Variants in ATXN7L1 observed in about 807,000 individuals in gnomAD.
ATXN7L1 encodes ataxin-7-like protein 1.
In ATXN7L1, 15 loss-of-function variants were observed where a neutral mutation model predicts 70.8. The ratio of observed to expected loss-of-function variants is 0.21; its 90% confidence interval spans 0.14 to 0.33. ATXN7L1 has a LOEUF of 0.33. ATXN7L1 is among the 10% of genes least tolerant of loss of function. The pLI is 1.00. For missense variants in ATXN7L1, 975 were observed against 1,097.1 expected (o/e 0.89, Z 1.57); for synonymous variants, 440 against 445.1 (o/e 0.99, Z 0.14).
Position 105,643,138 on chromosome 7 carries a change from C to A in ATXN7L1, c.579-17G>T. 6.7e-7 allele frequency: 1 copy of A among 1,491,626 alleles called. No homozygotes were observed. Among genetic ancestry groups the A allele is most frequent in the Non-Finnish European group, 9.0e-7 (1 of 1,116,652 alleles). 92.4% of individuals were successfully genotyped at this position (1,491,626 alleles called of 1,614,324 possible). A position where few individuals can be genotyped will look rare whatever the true frequency, so the allele number is the denominator to read the frequency against. On this transcript the variant is annotated splice_polypyrimidine_tract_variant and intron_variant, in intron 4 of 11. Coordinates refer to ENST00000419735, the MANE Select transcript of ATXN7L1 (RefSeq NM_020725.2). ...ACTGGAACACTGAAAAATAAATGAACAAACACACACAATTGTCTTCTTTGA... is the reference window on the plus strand; with the variant it reads ...ACTGGAACACTGAAAAATAAATGAAAAAACACACACAATTGTCTTCTTTGA...
At chr7:105,692,448 T>TC (rs1563010140) in intron 3 of ATXN7L1, among the ~76,000 whole-genome samples, 7 of 87,356 alleles carry the variant, frequency 8.0e-5, no homozygotes, top group East Asian at 6.8e-4. Context: ...CTCCCTCCCT[T>TC]CCTTCCTTCT....
At chr7:105,743,462 C>T (rs544981821) in intron 3 of ATXN7L1, among the ~76,000 whole-genome samples, 16 of 152,278 alleles carry the variant, frequency 1.1e-4, no homozygotes, top group South Asian at 8.3e-4. Context: ...GGAGAATTCT[C>T]GGTTGCATAA....
Position 105,604,957 on chromosome 7 carries a change from AT to A in ATXN7L1, c.*2894del, listed in dbSNP as rs1416134359. 3 of 151,832 alleles carry A rather than the reference AT, an allele frequency of 2.0e-5. No homozygotes were observed. In the East Asian group the frequency reaches 5.8e-4, roughly 29 times the overall value. 9.4% of individuals were successfully genotyped at this position (151,832 alleles called of 1,614,324 possible). On this transcript the variant is annotated 3_prime_UTR_variant, in exon 12 of 12. Transcript: ENST00000419735. Reference sequence around the variant, plus strand: ...AATCAGCAATAATAGAATATGCTGTATAAACTATTCTCTACAAAGGTTGATC... The same window carrying A: ...AATCAGCAATAATAGAATATGCTGTAAAACTATTCTCTACAAAGGTTGATC...
chr7:105,865,361 T>TG (rs1299717469), intron 2 of ATXN7L1, among the ~76,000 whole-genome samples: 1 of 152,220 alleles, frequency 6.6e-6, no homozygotes, highest in Non-Finnish European at 1.5e-5. Context: ...TGAACCTTTT[T>TG]GTGTGTGGTA....
At chr7:105,775,211 G>T (rs553235979) in intron 3 of ATXN7L1, among the ~76,000 whole-genome samples, 7 of 152,272 alleles carry the variant, frequency 4.6e-5, no homozygotes, top group African/African-American at 1.7e-4. Flanking sequence ...CAAGGGAAAG[G>T]TCCTACCCAA....
chr7:105,610,502 G>GGCGC, intron 11 of ATXN7L1, 27 bp downstream of exon 11: 1 of 1,525,650 alleles, frequency 6.6e-7, no homozygotes, highest in Non-Finnish European at 8.9e-7. Flanking sequence ...ATGAATTTTT[G>GGCGC]CCCCACCCCC....
At chr7:105,741,297 C>G (rs1051743997) in intron 3 of ATXN7L1, among the ~76,000 whole-genome samples, 4 of 152,168 alleles carry the variant, frequency 2.6e-5, no homozygotes, top group African/African-American at 9.7e-5. Context: ...GGCCATTTCT[C>G]TCCTTCCCCC....
chr7:105,772,593 C>A (rs1051004195), intron 3 of ATXN7L1, among the ~76,000 whole-genome samples: 1 of 152,136 alleles, frequency 6.6e-6, no homozygotes, highest in African/African-American at 2.4e-5. Flanking sequence ...AAAGACCTCA[C>A]AATTAAGCTT....
intron 4 of ATXN7L1, among the ~76,000 whole-genome samples, chr7:105,644,966 C>T (rs1375447661): frequency 1.3e-5 from 2 of 152,264 alleles, no homozygotes; most frequent in South Asian, 2.1e-4. Context: ...GCCTTGAAGA[C>T]ATTATGTTAA....
Position 105,638,333 on chromosome 7 carries a change from A to G in ATXN7L1, c.1202+20T>C. The G allele has an allele frequency of 6.5e-7, 1 of 1,540,316 alleles. No individual in the cohort carries two copies. The highest frequency in any genetic ancestry group is 8.8e-7 in the Non-Finnish European group (1 of 1,139,186). On this transcript the variant is annotated intron_variant, in intron 7 of 11. Transcript: ENST00000419735. ...ACTTGACCAAGCATTCAGGGCTTCT[A>G]TCGTCAAGGTGGTACTTACCTAGGA... is the stretch of plus-strand genomic sequence containing the variant.
At chr7:105,839,231 GAAAA>G (rs76808872) in intron 2 of ATXN7L1, among the ~76,000 whole-genome samples, 1 of 141,042 alleles carries the variant, frequency 7.1e-6, no homozygotes, top group African/African-American at 2.6e-5. Flanking sequence ...GCTGCTGCAT[GAAAA>G]AAAAAAAAGC....
intron 2 of ATXN7L1, among the ~76,000 whole-genome samples, chr7:105,806,030 G>A (rs1484264071): frequency 6.6e-6 from 1 of 152,126 alleles, no homozygotes; most frequent in East Asian, 1.9e-4. Context: ...GGGGCTGCAG[G>A]GACAGAGAGG....
intron 2 of ATXN7L1, among the ~76,000 whole-genome samples, chr7:105,862,587 C>A (rs1197298514): frequency 2.6e-5 from 4 of 152,126 alleles, no homozygotes; most frequent in Non-Finnish European, 4.4e-5. Flanking sequence ...AGCTGGTAGA[C>A]AATGGGGTCT....
intron 3 of ATXN7L1, chr7:105,761,510 A>C: frequency 6.2e-7 from 1 of 1,604,652 alleles, no homozygotes; most frequent in Non-Finnish European, 8.5e-7. Context: ...TGGTATCAAC[A>C]TGGCTCCTTT....
intron 2 of ATXN7L1, among the ~76,000 whole-genome samples, chr7:105,843,376 C>A (rs1013163164): frequency 6.6e-6 from 1 of 152,226 alleles, no homozygotes; most frequent in African/African-American, 2.4e-5. Flanking sequence ...AGACCAATTG[C>A]GGGCCTCAGA....
At chr7:105,638,948 CCAGA>C (rs1797759310) in intron 6 of ATXN7L1, among the ~76,000 whole-genome samples, 1 of 152,066 alleles carries the variant, frequency 6.6e-6, no homozygotes, top group Non-Finnish European at 1.5e-5. Context: ...TCGATTCGGC[CCAGA>C]CAAACAGAGC....
At chr7:105,784,013 G>A (rs565701645) in intron 3 of ATXN7L1, among the ~76,000 whole-genome samples, 25 of 152,132 alleles carry the variant, frequency 1.6e-4, no homozygotes, top group Admixed American at 9.2e-4. Context: ...CCAGGGTGGA[G>A]TGCAGTGGCA....
chr7:105,875,669 T>G (rs1489082726), intron 2 of ATXN7L1, 143 bp downstream of exon 2: 1 of 282,706 alleles, frequency 3.5e-6, no homozygotes, highest in Non-Finnish European at 6.5e-6. Flanking sequence ...GAAGTTAACA[T>G]GAAGCAGTAG....
intron 2 of ATXN7L1, among the ~76,000 whole-genome samples, chr7:105,807,980 C>G (rs1366080483): frequency 6.6e-6 from 1 of 152,264 alleles, no homozygotes; most frequent in Non-Finnish European, 1.5e-5. Context: ...CTAGCATCTC[C>G]TTCCAGCTCT....
Sources: allele counts gnomAD v4.1 joint callset (sites outside exome capture counted in the v4.1 genomes callset), GRCh38; gene constraint gnomAD v4.1.1; transcripts MANE v1.5; gene names NCBI Gene and HGNC (gene_info 2026-07-23, HGNC 2026-07-21).